HMGCLL1: variants seen among roughly 807,000 people sequenced by gnomAD.
HMGCLL1 encodes 3-hydroxymethyl-3-methylglutaryl-CoA lyase, cytoplasmic.
Under a neutral mutation model 39.1 loss-of-function variants are expected in HMGCLL1, and 36 were observed. That is an observed-to-expected ratio of 0.92 (90% CI 0.71 to 1.22). The LOEUF (loss-of-function observed/expected upper bound fraction) is 1.22. Ranked by LOEUF, HMGCLL1 falls within the 50% of genes most tolerant of loss-of-function variation. The pLI is 0.00. For missense variants in HMGCLL1, 451 were observed against 416.5 expected (o/e 1.08, Z -0.72); for synonymous variants, 149 against 144.0 (o/e 1.03, Z -0.25).
the HMGCLL1 span, among the ~76,000 whole-genome samples, chr6:55,615,353 A>G: frequency 6.6e-6 from 1 of 152,148 alleles, no homozygotes; most frequent in South Asian, 2.1e-4. Context: ...CCCAGCAGAA[A>G]AGACAAAGGT....
At chr6:55,540,137 T>C (rs1769340058) in intron 3 of HMGCLL1, among the ~76,000 whole-genome samples, 1 of 151,658 alleles carries the variant, frequency 6.6e-6, no homozygotes, top group African/African-American at 2.4e-5. Flanking sequence ...AAGGAAAGTA[T>C]GACGAATGGA....
chr6:55,573,906 T>C (rs1303047593), intron 1 of HMGCLL1, among the ~76,000 whole-genome samples: 3 of 152,096 alleles, frequency 2.0e-5, no homozygotes, highest in Non-Finnish European at 4.4e-5. Flanking sequence ...ATAGTAATAC[T>C]ATTAGAAACC....
At chr6:55,576,724 A>T (rs1390423864) in intron 1 of HMGCLL1, among the ~76,000 whole-genome samples, 2 of 152,128 alleles carry the variant, frequency 1.3e-5, no homozygotes, top group Admixed American at 6.5e-5. Context: ...GGACTCAGTG[A>T]TACTTTGGGT....
the HMGCLL1 span, among the ~76,000 whole-genome samples, chr6:55,663,763 C>T: frequency 3.3e-5 from 5 of 151,740 alleles, no homozygotes; most frequent in Non-Finnish European, 7.4e-5. Context: ...CTACTACTGT[C>T]AGTGGAGTAT....
chr6:55,635,365 A>G, the HMGCLL1 span, among the ~76,000 whole-genome samples: 2,064 of 152,190 alleles, frequency 0.014, 52 homozygotes, highest in African/African-American at 0.047. Context: ...TTGCAGAACT[A>G]GGGACTGTCA....
At chr6:55,550,612 G>A (rs1770275938) in intron 1 of HMGCLL1, among the ~76,000 whole-genome samples, 1 of 151,974 alleles carries the variant, frequency 6.6e-6, no homozygotes, top group African/African-American at 2.4e-5. Flanking sequence ...AACTGAGGAA[G>A]TGGTCTCCAA....
the HMGCLL1 span, among the ~76,000 whole-genome samples, chr6:55,604,628 G>T: frequency 9.8e-3 from 1,487 of 152,164 alleles, 26 homozygotes; most frequent in African/African-American, 0.034. Context: ...AATAAAACTT[G>T]TAGTTTTAAG....
chr6:55,483,113 AC>A lies in HMGCLL1; in HGVS notation c.795+12305del, dbSNP rs1235140152. 7.2e-5 allele frequency among the ~76,000 whole-genome samples: 11 copies of A among 152,172 alleles called. No homozygotes were observed. The East Asian group carries it at 2.1e-3, about 29-fold the overall frequency. On this transcript the variant is annotated intron_variant, in intron 7 of 8. Transcript: ENST00000274901. ...TAATAACCTGAATAAATTGAAAAAT[AC>A]ACCAATTTCTTCGATGGGATGACTG...
At chr6:55,600,149 A>T in the HMGCLL1 span, among the ~76,000 whole-genome samples, 1 of 152,074 alleles carries the variant, frequency 6.6e-6, no homozygotes, top group Admixed American at 6.6e-5. Context: ...AGTTTTTTTA[A>T]ATCTCTAAAA....
the HMGCLL1 span, among the ~76,000 whole-genome samples, chr6:55,659,068 C>A: frequency 6.6e-6 from 1 of 151,630 alleles, no homozygotes; most frequent in Non-Finnish European, 1.5e-5. Flanking sequence ...AATGTTAGCA[C>A]AATATGAAGA....
intron 1 of HMGCLL1, among the ~76,000 whole-genome samples, chr6:55,558,702 G>C (rs1455479295): frequency 6.6e-6 from 1 of 152,166 alleles, no homozygotes; most frequent in African/African-American, 2.4e-5. Context: ...CCATCCTGGA[G>C]ACTGAGCTTT....
chr6:55,571,485 A>G (rs2127476473), intron 1 of HMGCLL1, among the ~76,000 whole-genome samples: 1 of 152,336 alleles, frequency 6.6e-6, no homozygotes, highest in South Asian at 2.1e-4. Context: ...AGGCTGATAG[A>G]TTTGGCAGAA....
the HMGCLL1 span, among the ~76,000 whole-genome samples, chr6:55,676,910 G>A: frequency 9.2e-5 from 14 of 152,210 alleles, no homozygotes; most frequent in Non-Finnish European, 1.3e-4. Flanking sequence ...ACTTGCTTTT[G>A]CATTTGCTTG....
At chr6:55,555,553 C>T (rs1770609131) in intron 1 of HMGCLL1, among the ~76,000 whole-genome samples, 1 of 152,174 alleles carries the variant, frequency 6.6e-6, no homozygotes, top group Admixed American at 6.6e-5. Context: ...AGAACCGATC[C>T]TGTTGTATAG....
rs377134410 is a variant in HMGCLL1 at position 55,469,691 on chromosome 6, T to A, written c.795+25728A>T. ...TTTCACTGGCCAAATGGAACCAATG[T>A]AAGGTGGACAAATTATAAAACTCAA... is the stretch of plus-strand genomic sequence containing the variant. On this transcript the variant is annotated intron_variant, in intron 7 of 8. Coordinates refer to ENST00000274901, the MANE Select transcript of HMGCLL1 (RefSeq NM_001042406.2). Among the ~76,000 whole-genome samples the A allele has an allele frequency of 2.0e-5, 3 of 151,510 alleles. No homozygotes were observed. The East Asian group carries it at 5.8e-4, about 29-fold the overall frequency.
chr6:55,445,101 A>T (rs1278921947), intron 7 of HMGCLL1, among the ~76,000 whole-genome samples: 2 of 152,088 alleles, frequency 1.3e-5, no homozygotes, highest in Admixed American at 6.6e-5. Flanking sequence ...AAAGGAGAAT[A>T]TTAAGGCATC....
intron 5 of HMGCLL1, among the ~76,000 whole-genome samples, chr6:55,507,697 C>T (rs552078255): frequency 6.6e-6 from 1 of 151,826 alleles, no homozygotes; most frequent in East Asian, 1.9e-4. Flanking sequence ...TTTTAATGAT[C>T]CACTTAAATC....
chr6:55,563,655 G>A (rs1451026803), intron 1 of HMGCLL1, among the ~76,000 whole-genome samples: 1 of 152,146 alleles, frequency 6.6e-6, no homozygotes, highest in Non-Finnish European at 1.5e-5. Context: ...ACAGAAGAAA[G>A]TTTTCACATG....
chr6:55,636,361 A>G, the HMGCLL1 span, among the ~76,000 whole-genome samples: 1 of 152,180 alleles, frequency 6.6e-6, no homozygotes, highest in Non-Finnish European at 1.5e-5. Flanking sequence ...GAAGGTTAAT[A>G]TGAAAAATGA....
Sources: allele counts gnomAD v4.1 joint callset (sites outside exome capture counted in the v4.1 genomes callset), GRCh38; gene constraint gnomAD v4.1.1; transcripts MANE v1.5; gene names NCBI Gene and HGNC (gene_info 2026-07-23, HGNC 2026-07-21).